The following ROBO2 variants were observed in gnomAD, a reference collection of about 807,000 sequenced individuals.
The protein encoded by ROBO2 is roundabout guidance receptor 2, also known as roundabout homolog 2.
Under a neutral mutation model 160.8 loss-of-function variants are expected in ROBO2, and 53 were observed. That is an observed-to-expected ratio of 0.33 (90% CI 0.26 to 0.41). ROBO2 has a LOEUF of 0.41. Ranked by LOEUF, ROBO2 falls within the 10% of genes least tolerant of loss-of-function variation. The pLI is 1.00. For synonymous variants in ROBO2, 664 were observed against 611.7 expected, an observed-to-expected ratio of 1.09 and a Z score of -1.26; for missense variants, 1,577 against 1,722.4, an observed-to-expected ratio of 0.92 and a Z score of 1.49.
chr3:76,373,796 T>C (rs574780851), intron 2 of ROBO2, among the ~76,000 whole-genome samples: 2 of 152,158 alleles, frequency 1.3e-5, no homozygotes, highest in South Asian at 4.1e-4. Flanking sequence ...GTTGGTCATG[T>C]GAGCATTTCT....
At chr3:76,352,609 T>A (rs908602173) in intron 2 of ROBO2, among the ~76,000 whole-genome samples, 4 of 151,946 alleles carry the variant, frequency 2.6e-5, no homozygotes, top group Non-Finnish European at 4.4e-5. Flanking sequence ...CTCACTAAAA[T>A]GACTAAGGAC....
chr3:76,528,399 G>A lies in ROBO2; in HGVS notation c.110-569615G>A, dbSNP rs573708230. ...GGTAGAATTGATAGTAGTAGGAAGTGGTTAGATAATGAATATTTTGAATAT... is the reference window on the plus strand; with the variant it reads ...GGTAGAATTGATAGTAGTAGGAAGTAGTTAGATAATGAATATTTTGAATAT... On this transcript the variant is annotated intron_variant, in intron 2 of 26. Transcript: ENST00000487694. 1.5e-3 allele frequency among the ~76,000 whole-genome samples: 223 copies of A among 152,048 alleles called. 1 individual carries two copies. The highest frequency in any genetic ancestry group is 6.8e-3 in the Middle Eastern group (2 of 292).
intron 2 of ROBO2, among the ~76,000 whole-genome samples, chr3:77,211,494 C>A (rs2084151067): frequency 6.6e-6 from 1 of 152,120 alleles, no homozygotes; most frequent in South Asian, 2.1e-4. Flanking sequence ...AGCCCTTTGT[C>A]AGATGAGTAG....
intron 2 of ROBO2, among the ~76,000 whole-genome samples, chr3:76,642,385 C>T (rs971732381): frequency 1.5e-5 from 2 of 131,386 alleles, no homozygotes; most frequent in African/African-American, 6.0e-5. Flanking sequence ...CGGAGACTCG[C>T]TCTGTCGCCC....
intron 2 of ROBO2, among the ~76,000 whole-genome samples, chr3:76,391,944 A>C (rs370410856): frequency 1.3e-5 from 2 of 152,220 alleles, no homozygotes; most frequent in East Asian, 3.8e-4. Flanking sequence ...TTAGGAAGAC[A>C]GTAGACTCTT....
rs2149497980 is a variant in ROBO2 at position 77,019,461 on chromosome 3, CA to C, written c.110-78550del. Reference sequence around the variant, plus strand: ...TCAACATATGAATTTGGGGGAGACACAAACATGCAAACCATAGCACAACTGC... The same window carrying C: ...TCAACATATGAATTTGGGGGAGACACAACATGCAAACCATAGCACAACTGC... On this transcript the variant is annotated intron_variant, in intron 2 of 26. Transcript: ENST00000487694. Among the ~76,000 whole-genome samples the C allele has an allele frequency of 1.3e-5, 2 of 152,258 alleles. 1 individual carries two copies. The highest frequency in any genetic ancestry group is 2.9e-5 in the Non-Finnish European group (2 of 68,038).
At chr3:77,194,978 G>A (rs1179777322) in intron 2 of ROBO2, among the ~76,000 whole-genome samples, 1 of 151,806 alleles carries the variant, frequency 6.6e-6, no homozygotes, top group Non-Finnish European at 1.5e-5. Flanking sequence ...CATAATATAG[G>A]GGCAATGTAA....
At chr3:76,995,586 A>G (rs1165706168) in intron 2 of ROBO2, among the ~76,000 whole-genome samples, 2 of 152,018 alleles carry the variant, frequency 1.3e-5, no homozygotes, top group African/African-American at 4.8e-5. Context: ...AAGTGTTCCT[A>G]TTTCTCCACA....
At chr3:77,539,985 T>C (rs532892893) in intron 6 of ROBO2, among the ~76,000 whole-genome samples, 9 of 152,300 alleles carry the variant, frequency 5.9e-5, no homozygotes, top group Admixed American at 3.3e-4. Flanking sequence ...TGGAGCTAGT[T>C]TGGGGACAAA....
chr3:76,739,101 A>G (rs1385213178), intron 2 of ROBO2, among the ~76,000 whole-genome samples: 1 of 152,138 alleles, frequency 6.6e-6, no homozygotes, highest in East Asian at 1.9e-4. Flanking sequence ...AACTAGAAAT[A>G]CCATTTGACC....
At chr3:76,261,608 A>C (rs1447365760) in intron 2 of ROBO2, among the ~76,000 whole-genome samples, 1 of 152,136 alleles carries the variant, frequency 6.6e-6, no homozygotes, top group Admixed American at 6.6e-5. Flanking sequence ...TATGTAAATT[A>C]AATTAATGAA....
chr3:76,115,286 AAAT>A (rs1364511482), intron 2 of ROBO2, among the ~76,000 whole-genome samples: 2 of 152,168 alleles, frequency 1.3e-5, no homozygotes, highest in African/African-American at 4.8e-5. Flanking sequence ...TCGAATTAAA[AAAT>A]GAATGTGGCA....
chr3:77,034,378 T>TAAAAAAAAAAAAAAAAAAAAAA (rs200520468), intron 2 of ROBO2, among the ~76,000 whole-genome samples: 1 of 131,142 alleles, frequency 7.6e-6, no homozygotes, highest in Non-Finnish European at 1.7e-5. Flanking sequence ...TATTCTTTGT[T>TAAAAAAAAAAAAAAAAAAAAAA]AAAAAAAAAA....
At chr3:77,623,624 C>T (rs1488346739) in intron 23 of ROBO2, among the ~76,000 whole-genome samples, 5 of 152,118 alleles carry the variant, frequency 3.3e-5, no homozygotes, top group Admixed American at 6.6e-5. Flanking sequence ...GCAGATACAC[C>T]GCTGTGATTT....
At chr3:75,949,159 CT>C (rs1948441948) in intron 2 of ROBO2, among the ~76,000 whole-genome samples, 1 of 152,044 alleles carries the variant, frequency 6.6e-6, no homozygotes, top group African/African-American at 2.4e-5. Context: ...TATTGATATA[CT>C]TAATTTTGCT....
chr3:76,867,928 ATTCTGT>A (rs2071550642), intron 2 of ROBO2, among the ~76,000 whole-genome samples: 1 of 152,184 alleles, frequency 6.6e-6, no homozygotes, highest in Non-Finnish European at 1.5e-5. Context: ...CATGCCAAGG[ATTCTGT>A]TTCTCAGACC....
chr3:77,642,030 A>G (rs543918551), intron 24 of ROBO2, among the ~76,000 whole-genome samples: 58 of 152,314 alleles, frequency 3.8e-4, no homozygotes, highest in Middle Eastern at 6.8e-3. Context: ...ACTTATTAAA[A>G]TTAATACATC....
chr3:76,088,121 G>A (rs2069091892), intron 2 of ROBO2, among the ~76,000 whole-genome samples: 1 of 151,950 alleles, frequency 6.6e-6, no homozygotes, highest in South Asian at 2.1e-4. Flanking sequence ...AAAGTAATCA[G>A]GGATAAAGAA....
At chr3:77,065,768 A>T (rs2066775211) in intron 1 of ROBO2, among the ~76,000 whole-genome samples, 1 of 152,132 alleles carries the variant, frequency 6.6e-6, no homozygotes, top group Non-Finnish European at 1.5e-5. Flanking sequence ...TTCTCTTTGA[A>T]AATAGTGCCT....
Sources: allele counts gnomAD v4.1 joint callset (sites outside exome capture counted in the v4.1 genomes callset), GRCh38; gene constraint gnomAD v4.1.1; transcripts MANE v1.5; gene names NCBI Gene and HGNC (gene_info 2026-07-23, HGNC 2026-07-21).